Variants in PCDH9 observed in about 807,000 individuals in gnomAD.
PCDH9 encodes the protein protocadherin-9.
In PCDH9, 24 loss-of-function variants were observed where a neutral mutation model predicts 70.6. The ratio of observed to expected loss-of-function variants is 0.34; its 90% CI spans 0.25 to 0.48. The LOEUF is 0.48. PCDH9 is among the 20% of genes least tolerant of loss of function. The pLI is 0.99. For missense variants in PCDH9, 1,281 were observed against 1,503.6 expected (o/e 0.85, Z 2.45); for synonymous variants, 562 against 558.5 (o/e 1.01, Z -0.09).
intron 4 of PCDH9, among the ~76,000 whole-genome samples, chr13:66,330,688 A>G (rs1285862997): frequency 6.6e-6 from 1 of 152,208 alleles, no homozygotes. Flanking sequence ...GTTAAAATAT[A>G]GATCTTACAG....
chr13:66,904,913 A>G (rs1167669381), intron 2 of PCDH9, among the ~76,000 whole-genome samples: 2 of 151,994 alleles, frequency 1.3e-5, no homozygotes, highest in Non-Finnish European at 2.9e-5. Context: ...ATCCATCACT[A>G]TAAGCCTTTT....
In PCDH9 at chr13:66,851,272, G is replaced by A. The variant is rs34449097; in HGVS notation, c.3138+52232C>T. ...CCTCTGACTGAATTGCAAAATTCTC[G>A]TCTGTATTATAAAGATTCACAAGCT... On this transcript the variant is annotated intron_variant, in intron 3 of 4. Transcript: ENST00000377865. Among the ~76,000 whole-genome samples the A allele has an allele frequency of 9.0e-3, 1,373 of 151,998 alleles. 9 individuals carry two copies. Among genetic ancestry groups the A allele is most frequent in the Non-Finnish European group, 0.013 (883 of 67,982 alleles).
chr13:66,476,566 C>T (rs1219354433), intron 4 of PCDH9, among the ~76,000 whole-genome samples: 1 of 151,822 alleles, frequency 6.6e-6, no homozygotes, highest in Non-Finnish European at 1.5e-5. Flanking sequence ...TATACATTCT[C>T]AATAGTGGAG....
intron 3 of PCDH9, among the ~76,000 whole-genome samples, chr13:66,801,996 C>CTGTT (rs71207605): frequency 0.043 from 6,426 of 149,704 alleles, 310 homozygotes; most frequent in African/African-American, 0.12. Context: ...AGGTGTTTTT[C>CTGTT]TGTTTGTTTG....
intron 4 of PCDH9, among the ~76,000 whole-genome samples, chr13:66,572,753 ATTTCTTTTTTC>A (rs1421345140): frequency 3.3e-5 from 5 of 151,796 alleles, no homozygotes; most frequent in Non-Finnish European, 5.9e-5. Flanking sequence ...AAGCTATAGT[ATTTCTTTTTTC>A]TTTCTTTTTT....
intron 4 of PCDH9, among the ~76,000 whole-genome samples, chr13:66,401,167 T>C (rs889506234): frequency 6.6e-6 from 1 of 152,158 alleles, no homozygotes; most frequent in Admixed American, 6.6e-5. Flanking sequence ...AGGTGGGTGA[T>C]ATGGTCTGGC....
At chr13:66,852,538 T>A (rs1188230172) in intron 3 of PCDH9, among the ~76,000 whole-genome samples, 1 of 152,190 alleles carries the variant, frequency 6.6e-6, no homozygotes, top group Non-Finnish European at 1.5e-5. Context: ...GAACTGAGAC[T>A]GAGAGGAATA....
At chr13:66,330,243 G>T (rs1955919641) in intron 4 of PCDH9, among the ~76,000 whole-genome samples, 1 of 152,210 alleles carries the variant, frequency 6.6e-6, no homozygotes, top group African/African-American at 2.4e-5. Context: ...GGCACTGGCT[G>T]CTTATTCAGG....
At chr13:66,909,383 T>C (rs562416954) in intron 2 of PCDH9, among the ~76,000 whole-genome samples, 70 of 152,182 alleles carry the variant, frequency 4.6e-4, no homozygotes, top group African/African-American at 1.7e-3. Flanking sequence ...AAGCAATCTA[T>C]GGATTCAGTG....
intron 3 of PCDH9, among the ~76,000 whole-genome samples, chr13:66,895,046 G>T (rs2082154276): frequency 6.6e-6 from 1 of 152,080 alleles, no homozygotes; most frequent in African/African-American, 2.4e-5. Flanking sequence ...GACCTCAAGT[G>T]ATCTGCCCGC....
chr13:66,772,205 A>C (rs1225112207), intron 3 of PCDH9, among the ~76,000 whole-genome samples: 24 of 152,216 alleles, frequency 1.6e-4, no homozygotes, highest in Admixed American at 1.6e-3. Context: ...TTCATGCATA[A>C]ATCTGATCAG....
At chr13:66,890,827 T>A (rs2082084565) in intron 3 of PCDH9, among the ~76,000 whole-genome samples, 1 of 152,142 alleles carries the variant, frequency 6.6e-6, no homozygotes, top group Admixed American at 6.6e-5. Flanking sequence ...GCAGTAGCCT[T>A]GAATAAAATC....
intron 2 of PCDH9, chr13:67,220,203 T>C (rs2089693398): frequency 6.6e-6 from 1 of 151,698 alleles, no homozygotes; most frequent in Admixed American, 6.6e-5. Flanking sequence ...GTTGTGGAAA[T>C]AAGATTACAG....
chr13:66,464,445 G>A (rs968698097), intron 4 of PCDH9, among the ~76,000 whole-genome samples: 2 of 151,874 alleles, frequency 1.3e-5, no homozygotes, highest in Non-Finnish European at 2.9e-5. Context: ...ATTCTCTTTT[G>A]CTTAGCTCTC....
intron 2 of PCDH9, among the ~76,000 whole-genome samples, chr13:66,992,473 C>CT (rs2084023195): frequency 6.6e-6 from 1 of 152,162 alleles, no homozygotes. Context: ...CAATGGTCTT[C>CT]TTTTTAACTC....
chr13:66,513,085 T>G (rs905869132), intron 4 of PCDH9, among the ~76,000 whole-genome samples: 4 of 152,012 alleles, frequency 2.6e-5, no homozygotes, highest in Non-Finnish European at 5.9e-5. Flanking sequence ...CCCAAAGTTC[T>G]GGGATTACAG....
rs563813752 is a variant in PCDH9, at chr13:67,104,265, T to G, written c.3036+121140A>C. ...ACTTCTAACTAGCAGGTCTGTGCAT[T>G]GAACCATTGGAAACTCAAATATTTC... On this transcript the variant is annotated intron_variant, in intron 2 of 4. Coordinates refer to ENST00000377865, the MANE Select transcript of PCDH9 (RefSeq NM_203487.3). 3.3e-5 allele frequency among the ~76,000 whole-genome samples: 5 copies of G among 152,292 alleles called. No individual in the cohort carries two copies. In the South Asian group the frequency reaches 1.0e-3, roughly 32 times the overall value.
At chr13:66,387,295 G>A (rs1364747196) in intron 4 of PCDH9, among the ~76,000 whole-genome samples, 1 of 152,070 alleles carries the variant, frequency 6.6e-6, no homozygotes, top group Non-Finnish European at 1.5e-5. Flanking sequence ...TGTGCAGTGT[G>A]AAATTTCCCA....
chr13:66,808,703 A>G (rs1300980639), intron 3 of PCDH9, among the ~76,000 whole-genome samples: 1 of 152,154 alleles, frequency 6.6e-6, no homozygotes, highest in Admixed American at 6.5e-5. Context: ...AATATGCTAG[A>G]GAATGCATAT....
Sources: gnomAD v4.1 joint callset for allele counts (sites outside exome capture counted in the v4.1 genomes callset) on GRCh38, gnomAD v4.1.1 for gene constraint, MANE v1.5 for transcripts, NCBI Gene and HGNC (gene_info 2026-07-23, HGNC 2026-07-21) for gene names.